Variants in RHPN2 observed in about 807,000 individuals in gnomAD.
The protein encoded by RHPN2 is rhophilin Rho GTPase binding protein 2.
In RHPN2, 40 loss-of-function variants were observed where a neutral mutation model predicts 79.0. The observed-to-expected ratio is 0.51, with a 90% CI of 0.39 to 0.66. RHPN2 has a LOEUF of 0.66. Ranked by LOEUF, RHPN2 falls within the 30% of genes least tolerant of loss-of-function variation. RHPN2 has a pLI of 0.00. For synonymous variants in RHPN2, 285 were observed against 363.5 expected (o/e 0.78, Z 2.46); for missense variants, 686 against 883.5 (o/e 0.78, Z 2.83).
intron 14 of RHPN2, among the ~76,000 whole-genome samples, chr19:32,990,128 G>T (rs1971643865): frequency 2.3e-5 from 1 of 43,158 alleles, no homozygotes; most frequent in Admixed American, 2.2e-4. Flanking sequence ...AATTAAAAAA[G>T]AAAATGAATA....
intron 14 of RHPN2, among the ~76,000 whole-genome samples, chr19:32,988,353 T>C (rs771655792): frequency 9.9e-5 from 15 of 152,028 alleles, no homozygotes; most frequent in Non-Finnish European, 1.6e-4. Flanking sequence ...ACACAAATCA[T>C]CCACAAATCC....
At chr19:32,990,235 T>G (rs1971646704) in intron 14 of RHPN2, among the ~76,000 whole-genome samples, 1 of 151,954 alleles carries the variant, frequency 6.6e-6, no homozygotes, top group Non-Finnish European at 1.5e-5. Flanking sequence ...GAGGATCACT[T>G]AAACCCAAGA....
intron 1 of RHPN2, among the ~76,000 whole-genome samples, chr19:33,047,507 G>A (rs1020899612): frequency 9.2e-5 from 14 of 152,126 alleles, no homozygotes; most frequent in Non-Finnish European, 1.8e-4. Flanking sequence ...ATTCCTCTTT[G>A]CCGCTTATCT....
chr19:33,014,006 G>A (rs758779756), intron 4 of RHPN2, among the ~76,000 whole-genome samples: 4 of 151,800 alleles, frequency 2.6e-5, no homozygotes, highest in Non-Finnish European at 4.4e-5. Flanking sequence ...CTCCCAAGTA[G>A]CTGGGACCAC....
chr19:33,015,044 A>T (rs892182307), intron 4 of RHPN2, among the ~76,000 whole-genome samples: 2 of 151,706 alleles, frequency 1.3e-5, no homozygotes, highest in African/African-American at 4.8e-5. Context: ...ATGAAAGTCA[A>T]AGAGGATTTT....
rs746352214 is a variant in RHPN2 at position 33,002,237 on chromosome 19, C to A, written c.1105+10G>T. The A allele has an allele frequency of 1.9e-6, 3 of 1,612,218 alleles. No individual in the cohort carries two copies. Among genetic ancestry groups the A allele is most frequent in the Admixed American group, 3.3e-5 (2 of 59,982 alleles). ...GCCCTCGCCAAACTCCCGAACCCCC[C>A]AGGCCTTACCCTGGTGGTCGATGAG... On this transcript the variant is annotated intron_variant, in intron 9 of 14. Transcript: ENST00000254260.
rs185343076 is a variant in RHPN2 at position 33,003,595 on chromosome 19, T to C, written c.761-595A>G. Among the ~76,000 whole-genome samples the C allele has an allele frequency of 1.9e-4, 29 of 151,936 alleles. No homozygotes were observed. In the East Asian group the frequency reaches 2.9e-3, roughly 15 times the overall value. ...AACCACCCAGACGTCCATGAGCAGATGAATGATTAAACACAATGTGGCCTA... is the reference window on the plus strand; with the variant it reads ...AACCACCCAGACGTCCATGAGCAGACGAATGATTAAACACAATGTGGCCTA... On this transcript the variant is annotated intron_variant, in intron 7 of 14. Coordinates refer to ENST00000254260, the MANE Select transcript of RHPN2 (RefSeq NM_033103.5).
At position 33,064,849 on chromosome 19, in the gene RHPN2, T is replaced by C. The variant is rs1402521824; in HGVS notation, c.4A>G (p.Thr2Ala). ...GGGGCCGCGGGCAACAGCGCGTCGG[T>C]CATGCTAGCGGCGCGGGCGCGGAGG... M[T>A]DALLPAAPQP... The change falls in exon 1 of 15, where the codon ACC (threonine) becomes GCC (alanine). Residue 2 changes from threonine to alanine, a missense_variant. Physicochemically the swap from Thr to Ala is moderately conservative, Grantham distance 58. Coordinates refer to ENST00000254260, the MANE Select transcript of RHPN2 (RefSeq NM_033103.5). 1 of 1,448,052 alleles carries C rather than the reference T, an allele frequency of 6.9e-7. No homozygotes were observed. Among genetic ancestry groups the C allele is most frequent in the Non-Finnish European group, 9.1e-7 (1 of 1,098,194 alleles). The allele number at this position is 1,448,052 out of a possible 1,614,324, so 89.7% of individuals were successfully genotyped here.
chr19:32,990,843 A>G, intron 13 of RHPN2, 174 bp from the exon 14 acceptor site: 1 of 636,048 alleles, frequency 1.6e-6, no homozygotes, highest in Admixed American at 2.3e-5. Flanking sequence ...CAGCCTGTAC[A>G]ACACGGTGAA....
At chr19:33,009,236 C>G (rs1395428033) in intron 6 of RHPN2, among the ~76,000 whole-genome samples, 1 of 151,918 alleles carries the variant, frequency 6.6e-6, no homozygotes, top group Non-Finnish European at 1.5e-5. Flanking sequence ...AAGAATGAAC[C>G]CTAATGGAAA....
Position 33,026,541 on chromosome 19 carries a change from C to A in RHPN2, c.277G>T (p.Gly93Trp), listed in dbSNP as rs144047918. 1.2e-4 allele frequency: 186 copies of A among 1,608,874 alleles called. No homozygotes were observed. Among genetic ancestry groups the A allele is most frequent in the Non-Finnish European group, 1.5e-4 (182 of 1,179,792 alleles). ...DLQMLKEELE[G>W]LNISVGVYQN... ...TAGACGCCCACCGAGATGTTCAGCCCCTCCAGCTCTTCCTTGAGCATCTGC... is the reference window on the plus strand; with the variant it reads ...TAGACGCCCACCGAGATGTTCAGCCACTCCAGCTCTTCCTTGAGCATCTGC... Residue 93 changes from glycine (G) to tryptophan (W), a missense_variant, in exon 3 of 15, where the codon GGG becomes TGG. Physicochemically the swap from Gly to Trp is radical, Grantham distance 184. Transcript: ENST00000254260.
At chr19:33,058,894 C>T (rs1231860464) in intron 1 of RHPN2, among the ~76,000 whole-genome samples, 3 of 152,072 alleles carry the variant, frequency 2.0e-5, no homozygotes, top group Admixed American at 2.0e-4. Context: ...GTCAGGAGTT[C>T]AAGACCAGCC....
intron 2 of RHPN2, among the ~76,000 whole-genome samples, chr19:33,036,255 T>C (rs1972054932): frequency 6.6e-6 from 1 of 151,352 alleles, no homozygotes; most frequent in Non-Finnish European, 1.5e-5. Flanking sequence ...TGGCACAATC[T>C]TGGGAGGCTG....
chr19:33,058,038 T>C (rs1041005459), intron 1 of RHPN2, among the ~76,000 whole-genome samples: 1 of 152,138 alleles, frequency 6.6e-6, no homozygotes, highest in African/African-American at 2.4e-5. Flanking sequence ...CGGGTGCCTA[T>C]AATCCCAGCT....
Position 33,058,259 on chromosome 19 carries a change from G to A in RHPN2, c.69+6525C>T, listed in dbSNP as rs1048401174. On this transcript the variant is annotated intron_variant, in intron 1 of 14. Transcript: ENST00000254260. The stretch of plus-strand genomic sequence containing the variant: ...AGCACTGCTCAGCACTCCAGGAAAC[G>A]AGACCTGCTGGGAACTGCTGCCAAA... 1.1e-4 allele frequency among the ~76,000 whole-genome samples: 16 copies of A among 152,218 alleles called. No individual in the cohort carries two copies. In the South Asian group the frequency reaches 1.9e-3, roughly 18 times the overall value.
At position 33,064,884 on chromosome 19, in the gene RHPN2, G is replaced by T. The variant is rs1228856945; in HGVS notation, c.-32C>A. On this transcript the variant is annotated 5_prime_UTR_variant, in exon 1 of 15. Coordinates refer to ENST00000254260, the MANE Select transcript of RHPN2 (RefSeq NM_033103.5). Reference sequence around the variant, plus strand: ...GGCGCGGGCGCGGAGGGCGGACGGCGGACTGAGGCGCGGCGGCTGAGGCTG... The same window carrying T: ...GGCGCGGGCGCGGAGGGCGGACGGCTGACTGAGGCGCGGCGGCTGAGGCTG... 5.4e-6 allele frequency: 8 copies of T among 1,486,950 alleles called. No individual in the cohort carries two copies. Among genetic ancestry groups the T allele is most frequent in the Non-Finnish European group, 6.2e-6 (7 of 1,124,910 alleles). 92.1% of individuals were successfully genotyped at this position (1,486,950 alleles called of 1,614,324 possible). A position where few individuals can be genotyped will look rare whatever the true frequency, so the allele number is the denominator to read the frequency against.
intron 2 of RHPN2, among the ~76,000 whole-genome samples, chr19:33,029,934 G>C (rs1360804891): frequency 2.0e-5 from 3 of 152,180 alleles, no homozygotes; most frequent in Non-Finnish European, 2.9e-5. Flanking sequence ...CATCTACCAG[G>C]GAAGCTCAGA....
At chr19:32,985,877 C>T (rs567747619) in intron 14 of RHPN2, among the ~76,000 whole-genome samples, 10 of 152,316 alleles carry the variant, frequency 6.6e-5, no homozygotes, top group African/African-American at 1.9e-4. Context: ...AGTGATCCGC[C>T]GGCCTTGGCC....
chr19:33,045,472 GCTAT>G (rs1442742658), intron 1 of RHPN2, among the ~76,000 whole-genome samples: 3 of 151,278 alleles, frequency 2.0e-5, no homozygotes, highest in Non-Finnish European at 4.4e-5. Flanking sequence ...AACCATCAGT[GCTAT>G]CTGATTTTTT....
Sources: allele counts gnomAD v4.1 joint callset (sites outside exome capture counted in the v4.1 genomes callset), GRCh38; gene constraint gnomAD v4.1.1; transcripts MANE v1.5; gene names NCBI Gene and HGNC (gene_info 2026-07-23, HGNC 2026-07-21).